The following RGS7 variants were observed in gnomAD, a reference collection of about 807,000 sequenced individuals.
RGS7 encodes the protein regulator of G-protein signaling 7.
A neutral mutation model predicts 81.1 loss-of-function variants in RGS7; 27 were observed. The ratio of observed to expected loss-of-function variants is 0.33; its 90% CI spans 0.25 to 0.46. The LOEUF is 0.46. Among genes scored for constraint, RGS7 ranks in the 20% least tolerant of loss-of-function variants. RGS7 has a pLI of 1.00. For missense variants in RGS7, 396 were observed against 607.4 expected, an observed-to-expected ratio of 0.65 and a Z score of 3.66; for synonymous variants, 208 against 207.7, an observed-to-expected ratio of 1.00 and a Z score of -0.01.
At chr1:240,942,522 C>T (rs1405601881) in intron 4 of RGS7, among the ~76,000 whole-genome samples, 6 of 152,146 alleles carry the variant, frequency 3.9e-5, no homozygotes, top group South Asian at 2.1e-4. Context: ...ATGTTATTTA[C>T]TCTTATTTAT....
At chr1:240,986,576 T>A (rs1422021522) in intron 3 of RGS7, among the ~76,000 whole-genome samples, 1 of 958 alleles carries the variant, frequency 1.0e-3, no homozygotes, top group African/African-American at 5.0e-3. Flanking sequence ...CTATTATTTT[T>A]TTTTTTTTTT....
chr1:240,807,757 G>C (rs1164206066), intron 14 of RGS7, among the ~76,000 whole-genome samples: 4 of 152,092 alleles, frequency 2.6e-5, no homozygotes, highest in African/African-American at 9.7e-5. Flanking sequence ...ATGCGAGGCT[G>C]GGCATGGTGG....
At chr1:241,140,687 A>G (rs942798742) in intron 2 of RGS7, among the ~76,000 whole-genome samples, 1 of 152,146 alleles carries the variant, frequency 6.6e-6, no homozygotes, top group African/African-American at 2.4e-5. Context: ...CTGAGAATAC[A>G]GGTATGAGCC....
intron 2 of RGS7, among the ~76,000 whole-genome samples, chr1:241,138,646 C>T (rs931446330): frequency 6.6e-6 from 1 of 152,180 alleles, no homozygotes; most frequent in Non-Finnish European, 1.5e-5. Flanking sequence ...TCCTCTATTT[C>T]ACCTGTCTTG....
At chr1:241,034,531 G>C (rs1161228644) in intron 3 of RGS7, among the ~76,000 whole-genome samples, 2 of 151,864 alleles carry the variant, frequency 1.3e-5, no homozygotes, top group Admixed American at 6.5e-5. Flanking sequence ...AGGTAACAAG[G>C]TCCATTTGAT....
chr1:241,160,274 A>G (rs1166571773), intron 2 of RGS7, among the ~76,000 whole-genome samples: 3 of 152,204 alleles, frequency 2.0e-5, no homozygotes, highest in African/African-American at 7.2e-5. Flanking sequence ...TGGATCAACA[A>G]AATGCCTTCA....
chr1:241,176,836 G>T (rs1041718840), intron 2 of RGS7, among the ~76,000 whole-genome samples: 9 of 152,132 alleles, frequency 5.9e-5, no homozygotes, highest in Non-Finnish European at 8.8e-5. Flanking sequence ...CTCCTGTGCT[G>T]CTTTCCTCCT....
At chr1:240,854,391 T>C (rs1660697805) in intron 9 of RGS7, among the ~76,000 whole-genome samples, 1 of 152,216 alleles carries the variant, frequency 6.6e-6, no homozygotes, top group Admixed American at 6.5e-5. Flanking sequence ...AAAAAAGCGT[T>C]ATGCACCATC....
At chr1:241,091,859 C>A (rs1445830598) in intron 3 of RGS7, among the ~76,000 whole-genome samples, 1 of 151,946 alleles carries the variant, frequency 6.6e-6, no homozygotes, top group Non-Finnish European at 1.5e-5. Flanking sequence ...TGTGCTCCAG[C>A]CTGAATGACA....
intron 2 of RGS7, among the ~76,000 whole-genome samples, chr1:241,257,253 C>T (rs993248193): frequency 1.3e-5 from 2 of 152,072 alleles, no homozygotes; most frequent in African/African-American, 4.8e-5. Context: ...ATAGATGTCA[C>T]CTCTTTCTGT....
chr1:240,955,487 G>A (rs1439688176), intron 4 of RGS7, among the ~76,000 whole-genome samples: 3 of 149,538 alleles, frequency 2.0e-5, no homozygotes, highest in Admixed American at 2.0e-4. Flanking sequence ...GGGAGGCGGA[G>A]CTTGCAGTGA....
At chr1:241,020,556 G>A (rs1049565996) in intron 3 of RGS7, among the ~76,000 whole-genome samples, 10 of 152,008 alleles carry the variant, frequency 6.6e-5, no homozygotes, top group Admixed American at 1.3e-4. Context: ...AATTCCATCT[G>A]CAAAGATAGA....
intron 2 of RGS7, among the ~76,000 whole-genome samples, chr1:241,295,647 G>C (rs900186519): frequency 1.3e-5 from 2 of 152,140 alleles, no homozygotes; most frequent in African/African-American, 4.8e-5. Context: ...GCCATGTTTA[G>C]GGGCAGAGAT....
At chr1:240,800,799 CA>C (rs1558271102) in intron 17 of RGS7, 78 bp from the exon 18 acceptor site, 189 of 725,038 alleles carry the variant, frequency 2.6e-4, no homozygotes, top group South Asian at 3.6e-4. Context: ...TGGCACAATA[CA>C]AAAAAAAGAA....
In RGS7 at chr1:241,226,162, C is replaced by T. The variant is rs180908616; in HGVS notation, c.79-127400G>A. On this transcript the variant is annotated intron_variant, in intron 2 of 18. Coordinates refer to ENST00000440928, the MANE Select transcript of RGS7 (RefSeq NM_001364886.1). ...TGTAAAAGAAGAAAACAACATTGGC[C>T]AAAGAAAGATGTTCTCCTAGAAAAA... 5.9e-5 allele frequency among the ~76,000 whole-genome samples: 9 copies of T among 151,964 alleles called. No individual in the cohort carries two copies. The East Asian group carries it at 1.7e-3, about 29-fold the overall frequency.
intron 2 of RGS7, among the ~76,000 whole-genome samples, chr1:241,119,505 C>A (rs939459297): frequency 6.6e-6 from 1 of 152,212 alleles, no homozygotes; most frequent in Non-Finnish European, 1.5e-5. Flanking sequence ...ACTTTTCATA[C>A]TCCTACTGTA....
At chr1:241,291,570 CTT>C (rs397947911) in intron 2 of RGS7, among the ~76,000 whole-genome samples, 1 of 94,150 alleles carries the variant, frequency 1.1e-5, no homozygotes, top group Admixed American at 1.5e-4. Flanking sequence ...GAATTCCCAG[CTT>C]TTTTTTTTTT....
intron 2 of RGS7, among the ~76,000 whole-genome samples, chr1:241,306,352 T>C (rs576879194): frequency 1.3e-4 from 19 of 148,374 alleles, no homozygotes; most frequent in African/African-American, 4.5e-4. Context: ...CACATGTACA[T>C]ATACACACAT....
At chr1:241,197,608 G>A (rs2147829031) in intron 2 of RGS7, among the ~76,000 whole-genome samples, 1 of 151,930 alleles carries the variant, frequency 6.6e-6, no homozygotes, top group African/African-American at 2.4e-5. Flanking sequence ...CACCACTAGA[G>A]ATAAAGATCA....
Sources: gnomAD v4.1 joint callset for allele counts (sites outside exome capture counted in the v4.1 genomes callset) on GRCh38, gnomAD v4.1.1 for gene constraint, MANE v1.5 for transcripts, NCBI Gene and HGNC (gene_info 2026-07-23, HGNC 2026-07-21) for gene names.